Variants in CCDC126 observed in about 807,000 individuals in gnomAD.
CCDC126 encodes coiled-coil domain-containing protein 126.
Under a neutral mutation model 11.7 loss-of-function variants are expected in CCDC126, and 5 were observed. The ratio of observed to expected loss-of-function variants is 0.43; its 90% CI spans 0.22 to 0.90. The LOEUF (loss-of-function observed/expected upper bound fraction) is 0.90. Among genes scored for constraint, CCDC126 ranks in the 40% least tolerant of loss-of-function variants. CCDC126 has a pLI of 0.27. For missense variants in CCDC126, 150 were observed against 163.1 expected (o/e 0.92, Z 0.44); for synonymous variants, 60 against 61.9 (o/e 0.97, Z 0.14).
chr7:23,639,071 TC>T (rs1290759685), intron 3 of CCDC126, among the ~76,000 whole-genome samples: 1 of 151,890 alleles, frequency 6.6e-6, no homozygotes, highest in Admixed American at 6.6e-5. Flanking sequence ...TAAATAAATG[TC>T]CCCTCTCCCA....
chr7:23,610,753 C>G (rs577258109), intron 2 of CCDC126, among the ~76,000 whole-genome samples: 9 of 151,624 alleles, frequency 5.9e-5, no homozygotes, highest in African/African-American at 1.2e-4. Flanking sequence ...TTTTCCGATC[C>G]TTTTTCTTTC....
chr7:23,637,819 G>C (rs1266185299), intron 3 of CCDC126, among the ~76,000 whole-genome samples: 1 of 109,252 alleles, frequency 9.2e-6, no homozygotes, highest in Admixed American at 8.9e-5. Flanking sequence ...TCGGCCAGCC[G>C]CCCTGTCCGG....
intron 1 of CCDC126, 51 bp downstream of exon 1, chr7:23,597,656 C>T (rs1782444258): frequency 6.6e-6 from 1 of 152,652 alleles, no homozygotes; most frequent in Non-Finnish European, 1.5e-5. Flanking sequence ...TCTCGCGCGC[C>T]CCTCAGCCTA....
In CCDC126 at chr7:23,631,001, G is replaced by A. The variant is rs551820118; in HGVS notation, c.239-11930G>A. ...TAAAAAATTGTGGGACACAGCTAAA[G>A]CAGTGCTGAGAGGGAAATTTAGATT... On this transcript the variant is annotated intron_variant, in intron 3 of 3. Transcript: ENST00000307471. 2.0e-5 allele frequency among the ~76,000 whole-genome samples: 3 copies of A among 152,098 alleles called. No individual in the cohort carries two copies. In the East Asian group the frequency reaches 5.8e-4, roughly 29 times the overall value.
chr7:23,622,977 T>G (rs1782945504), intron 3 of CCDC126, among the ~76,000 whole-genome samples: 2 of 147,064 alleles, frequency 1.4e-5, no homozygotes, highest in African/African-American at 5.0e-5. Context: ...TCTTTTTTTT[T>G]TTTTTTTTTT....
At chr7:23,607,590 T>A (rs1305282134) in intron 2 of CCDC126, among the ~76,000 whole-genome samples, 1 of 152,222 alleles carries the variant, frequency 6.6e-6, no homozygotes, top group East Asian at 1.9e-4. Context: ...ACTTCTTATC[T>A]TTTTTTATTT....
rs145301487 is a variant in CCDC126 at position 23,607,793 on chromosome 7, A to C, written c.-145-3378A>C. On this transcript the variant is annotated intron_variant, in intron 2 of 3. Coordinates refer to ENST00000307471, the MANE Select transcript of CCDC126 (RefSeq NM_138771.4). ...TTCCAGCAGAGGTCACCTATTTTCA[A>C]TCCCCTTCACCCCTTCCCCTTCAAG... Among the ~76,000 whole-genome samples the C allele has an allele frequency of 1.8e-4, 27 of 152,268 alleles. 2 individuals carry two copies. The highest frequency in any genetic ancestry group is 4.6e-4 in the African/African-American group (19 of 41,554).
At chr7:23,615,734 A>G (rs557200165) in intron 3 of CCDC126, among the ~76,000 whole-genome samples, 1 of 152,332 alleles carries the variant, frequency 6.6e-6, no homozygotes, top group East Asian at 1.9e-4. Context: ...GAAGAGAGGG[A>G]GAGAGACAGA....
chr7:23,611,752 A>T (rs1385082587), intron 3 of CCDC126, among the ~76,000 whole-genome samples, 199 bp downstream of exon 3: 1 of 152,240 alleles, frequency 6.6e-6, no homozygotes, highest in African/African-American at 2.4e-5. Flanking sequence ...CTTAACAGTT[A>T]TTAACATTTG....
chr7:23,618,947 GA>G (rs1782842073), intron 3 of CCDC126, among the ~76,000 whole-genome samples: 1 of 152,136 alleles, frequency 6.6e-6, no homozygotes, highest in African/African-American at 2.4e-5. Flanking sequence ...GAGCTGGTCA[GA>G]TACCCTGGAG....
At position 23,597,418 on chromosome 7, in the gene CCDC126, A is replaced by C. The variant is rs1782434421; in HGVS notation, c.-418A>C. 6.6e-6 allele frequency: 1 copy of C among 152,440 alleles called. No homozygotes were observed. Among genetic ancestry groups the C allele is most frequent in the Admixed American group, 6.5e-5 (1 of 15,292 alleles). The allele number at this position is 152,440 out of a possible 1,614,324, so 9.4% of individuals were successfully genotyped here. A position where few individuals can be genotyped will look rare whatever the true frequency, so the allele number is the denominator to read the frequency against. On this transcript the variant is annotated 5_prime_UTR_variant, in exon 1 of 4. Coordinates refer to ENST00000307471, the MANE Select transcript of CCDC126 (RefSeq NM_138771.4). ...GAAGCCGAGTGCGAGGGACGAGCGGAGTAAAATCTCCACAAGCTGGGAACA... is the reference window on the plus strand; with the variant it reads ...GAAGCCGAGTGCGAGGGACGAGCGGCGTAAAATCTCCACAAGCTGGGAACA...
intron 3 of CCDC126, among the ~76,000 whole-genome samples, chr7:23,620,359 T>A (rs1412766350): frequency 6.6e-6 from 1 of 152,274 alleles, no homozygotes; most frequent in Non-Finnish European, 1.5e-5. Flanking sequence ...TTCATGTGTC[T>A]GTTGGCTGCA....
At chr7:23,608,343 C>G (rs1782653670) in intron 2 of CCDC126, among the ~76,000 whole-genome samples, 1 of 152,184 alleles carries the variant, frequency 6.6e-6, no homozygotes, top group Admixed American at 6.6e-5. Context: ...GTGGTGGAGT[C>G]TTTTGAAAGG....
chr7:23,617,334 T>A (rs1389309214), intron 3 of CCDC126, among the ~76,000 whole-genome samples: 2 of 112,536 alleles, frequency 1.8e-5, no homozygotes, highest in Non-Finnish European at 3.3e-5. Flanking sequence ...GGGAACAGAG[T>A]GAGATGCTGT....
At chr7:23,633,635 G>A (rs1396667278) in intron 3 of CCDC126, among the ~76,000 whole-genome samples, 1 of 152,140 alleles carries the variant, frequency 6.6e-6, no homozygotes, top group Non-Finnish European at 1.5e-5. Flanking sequence ...AGGCCAAGGA[G>A]GGAGGATCAC....
intron 3 of CCDC126, among the ~76,000 whole-genome samples, chr7:23,640,158 G>A (rs2128023069): frequency 6.6e-6 from 1 of 151,792 alleles, no homozygotes; most frequent in Non-Finnish European, 1.5e-5. Flanking sequence ...ACTCCAGCCT[G>A]GGTGACAGAG....
intron 2 of CCDC126, among the ~76,000 whole-genome samples, chr7:23,600,101 T>G (rs1222893877): frequency 6.6e-6 from 1 of 152,198 alleles, no homozygotes; most frequent in Non-Finnish European, 1.5e-5. Context: ...TAAATTAAAC[T>G]TTTACTGTAG....
intron 3 of CCDC126, chr7:23,619,427 C>G (rs183778271): frequency 4.3e-4 from 180 of 418,516 alleles, no homozygotes; most frequent in African/African-American, 3.5e-3. Context: ...AGATTAAAAC[C>G]TACAAAGAAA....
chr7:23,635,166 T>TTCTA (rs569016793), intron 3 of CCDC126, among the ~76,000 whole-genome samples: 7 of 152,350 alleles, frequency 4.6e-5, no homozygotes, highest in African/African-American at 1.7e-4. Context: ...GATCCTTCAT[T>TTCTA]TCTATCTCAG....
Sources: gnomAD v4.1 joint callset for allele counts (sites outside exome capture counted in the v4.1 genomes callset) on GRCh38, gnomAD v4.1.1 for gene constraint, MANE v1.5 for transcripts, NCBI Gene and HGNC (gene_info 2026-07-23, HGNC 2026-07-21) for gene names.